Variants in PRDM2 observed in about 807,000 individuals in gnomAD.
PRDM2 encodes PR/SET domain 2.
Under a neutral mutation model 130.0 loss-of-function variants are expected in PRDM2, and 30 were observed. That is an observed-to-expected ratio of 0.23 (90% confidence interval 0.17 to 0.31). The LOEUF is 0.31. PRDM2 is among the 10% of genes least tolerant of loss of function. The pLI is 1.00. For missense variants in PRDM2, 2,011 were observed against 2,108.4 expected (o/e 0.95, Z 0.90); for synonymous variants, 871 against 782.4 (o/e 1.11, Z -1.89).
At chr1:13,767,246 A>T (rs796220077) in intron 6 of PRDM2, among the ~76,000 whole-genome samples, 1 of 152,158 alleles carries the variant, frequency 6.6e-6, no homozygotes, top group Non-Finnish European at 1.5e-5. Context: ...AAATAAAAAA[A>T]AGCATTCCAA....
intron 5 of PRDM2, among the ~76,000 whole-genome samples, chr1:13,744,235 C>A (rs1319310435): frequency 6.6e-6 from 1 of 152,204 alleles, no homozygotes; most frequent in Non-Finnish European, 1.5e-5. Flanking sequence ...TGAAGCCAGA[C>A]TGCCTGGGTT....
chr1:13,798,776 G>A (rs757926967), intron 8 of PRDM2, among the ~76,000 whole-genome samples: 2 of 152,130 alleles, frequency 1.3e-5, no homozygotes, highest in Non-Finnish European at 2.9e-5. Context: ...GGAATGGGGG[G>A]ATCGATCCTT....
chr1:13,803,708 C>T lies in PRDM2; in HGVS notation c.5037-12719C>T, dbSNP rs1014761954. On this transcript the variant is annotated intron_variant, in intron 8 of 9. Coordinates refer to ENST00000311066, the MANE Select transcript of PRDM2 (RefSeq NM_001393986.1). This position sits in a 1 kb window ranked among gnomAD's most constrained non-coding sequence, Gnocchi z 6.2. Reference sequence around the variant, plus strand: ...GGCAGCCACAGCCGGGGGCTTTCCCCGCGGGCAGGTTCTCCGGGCCGAGGT... The same window carrying T: ...GGCAGCCACAGCCGGGGGCTTTCCCTGCGGGCAGGTTCTCCGGGCCGAGGT... Among the ~76,000 whole-genome samples, 6 of 152,168 alleles carry T rather than the reference C, an allele frequency of 3.9e-5. No homozygotes were observed. The highest frequency in any genetic ancestry group is 9.7e-5 in the African/African-American group (4 of 41,436).
chr1:13,703,413 G>C (rs1642123480), intron 1 of PRDM2, among the ~76,000 whole-genome samples: 1 of 152,184 alleles, frequency 6.6e-6, no homozygotes, highest in Non-Finnish European at 1.5e-5. Flanking sequence ...CTAACTGTAT[G>C]GTTGAATTAT....
intron 8 of PRDM2, among the ~76,000 whole-genome samples, chr1:13,788,403 T>G (rs993527293): frequency 2.0e-5 from 3 of 152,248 alleles, no homozygotes; most frequent in African/African-American, 7.2e-5. Context: ...GTTTGTGGAT[T>G]GATGTTTATT....
intron 8 of PRDM2, among the ~76,000 whole-genome samples, chr1:13,794,755 T>A (rs909435943): frequency 6.6e-6 from 1 of 151,876 alleles, no homozygotes; most frequent in African/African-American, 2.4e-5. Flanking sequence ...AGTTTGAATC[T>A]GATGAAAAGT....
intron 6 of PRDM2, among the ~76,000 whole-genome samples, chr1:13,752,215 T>C (rs759472422): frequency 6.6e-6 from 1 of 152,222 alleles, no homozygotes; most frequent in Non-Finnish European, 1.5e-5. Context: ...AGGAAAAGAA[T>C]GCAGTGCTAT....
intron 7 of PRDM2, among the ~76,000 whole-genome samples, chr1:13,776,365 C>T (rs1234336774): frequency 1.3e-5 from 2 of 152,160 alleles, no homozygotes; most frequent in East Asian, 1.9e-4. Context: ...CTCCTAGTGC[C>T]TGCAGTAGAG....
intron 4 of PRDM2, among the ~76,000 whole-genome samples, chr1:13,741,544 C>T (rs1226886945): frequency 1.3e-5 from 2 of 152,188 alleles, no homozygotes; most frequent in African/African-American, 2.4e-5. Context: ...GGCCAGGTGC[C>T]ATACTCGATT....
intron 6 of PRDM2, among the ~76,000 whole-genome samples, chr1:13,751,050 C>A (rs1372167777): frequency 6.6e-6 from 1 of 152,096 alleles, no homozygotes; most frequent in Non-Finnish European, 1.5e-5. Flanking sequence ...TACTTTAACG[C>A]TTTTCTCTGT....
intron 4 of PRDM2, among the ~76,000 whole-genome samples, chr1:13,733,582 T>C (rs1039130823): frequency 6.6e-6 from 1 of 152,144 alleles, no homozygotes; most frequent in Non-Finnish European, 1.5e-5. Flanking sequence ...ACCTCTAGCT[T>C]CGTGACTTGC....
chr1:13,758,035 T>C (rs1644002025), intron 6 of PRDM2, among the ~76,000 whole-genome samples: 1 of 152,182 alleles, frequency 6.6e-6, no homozygotes, highest in Admixed American at 6.5e-5. Flanking sequence ...AATAGATTCT[T>C]AGAATATGTA....
chr1:13,803,940 G>A lies in PRDM2; in HGVS notation c.5037-12487G>A, dbSNP rs555580995. On this transcript the variant is annotated intron_variant, in intron 8 of 9. Transcript: ENST00000311066. This position sits in a 1 kb window ranked among gnomAD's most constrained non-coding sequence, Gnocchi z 6.2. ...GAGGCCACATTGGGGGCTCAGCAGT[G>A]GGCCCATGGCCTCCCTCAGGGCTGA... Among the ~76,000 whole-genome samples the A allele has an allele frequency of 6.6e-6, 1 of 152,284 alleles. No homozygotes were observed. Among genetic ancestry groups the A allele is most frequent in the Admixed American group, 6.5e-5 (1 of 15,292 alleles).
At chr1:13,761,008 C>A (rs924182640) in intron 6 of PRDM2, among the ~76,000 whole-genome samples, 1 of 152,242 alleles carries the variant, frequency 6.6e-6, no homozygotes, top group Non-Finnish European at 1.5e-5. Context: ...ATAGCTACAT[C>A]GTGGCACTAA....
At chr1:13,810,784 G>A (rs892988512) in intron 8 of PRDM2, among the ~76,000 whole-genome samples, 2 of 150,330 alleles carry the variant, frequency 1.3e-5, no homozygotes, top group Non-Finnish European at 3.0e-5. Flanking sequence ...GTGAGCCACC[G>A]CACCTGGCTG....
At chr1:13,788,749 G>T (rs1316213888) in intron 8 of PRDM2, among the ~76,000 whole-genome samples, 1 of 152,238 alleles carries the variant, frequency 6.6e-6, no homozygotes, top group African/African-American at 2.4e-5. Flanking sequence ...GAGGAGTTGA[G>T]TGTTGTGAGA....
At chr1:13,820,890 G>A (rs61374680) in intron 9 of PRDM2, among the ~76,000 whole-genome samples, 4,091 of 152,102 alleles carry the variant, frequency 0.027, 180 homozygotes, top group African/African-American at 0.092. Context: ...CTCCATAGCC[G>A]GCCCCGCCTC....
chr1:13,775,395 C>T (rs1273642643), intron 7 of PRDM2, among the ~76,000 whole-genome samples: 1 of 152,220 alleles, frequency 6.6e-6, no homozygotes, highest in Non-Finnish European at 1.5e-5. Context: ...ACTCTTTTGG[C>T]AGTATTCGGG....
intron 8 of PRDM2, among the ~76,000 whole-genome samples, chr1:13,801,225 C>T (rs1316140883): frequency 6.6e-6 from 1 of 152,218 alleles, no homozygotes. Context: ...CAGGAGGCCA[C>T]TCTCCTGGAA....
Sources: gnomAD v4.1 joint callset for allele counts (sites outside exome capture counted in the v4.1 genomes callset) on GRCh38, gnomAD v4.1.1 for gene constraint, Gnocchi (gnomAD v3.1) non-coding constraint, MANE v1.5 for transcripts, NCBI Gene and HGNC (gene_info 2026-07-23, HGNC 2026-07-21) for gene names.